KCNK9: variants seen among roughly 807,000 people sequenced by gnomAD.
KCNK9 encodes potassium channel subfamily K member 9.
KCNK9 carries 1 observed loss-of-function variant against 10.8 expected under a neutral mutation model. The observed-to-expected ratio is 0.09, with a 90% confidence interval of 0.03 to 0.44. The LOEUF is 0.44. Among genes scored for constraint, KCNK9 ranks in the 20% least tolerant of loss-of-function variants. The pLI is 0.97. For missense variants in KCNK9, 303 were observed against 515.0 expected (o/e 0.59, Z 3.98); for synonymous variants, 231 against 222.7 (o/e 1.04, Z -0.33).
At position 139,644,651 on chromosome 8, in the gene KCNK9, C is replaced by G. The variant is rs566197483; in HGVS notation, c.284-25552G>C. ...CTGGGTAGCACAGGTGGTTTTGCAA[C>G]CAGGGCCACTCAGGAGCATGGGACC... On this transcript the variant is annotated intron_variant, in intron 1 of 1. Transcript: ENST00000520439. Among the ~76,000 whole-genome samples the G allele has an allele frequency of 1.0e-3, 152 of 152,186 alleles. 1 individual carries two copies. The highest frequency in any genetic ancestry group is 3.5e-3 in the African/African-American group (145 of 41,522).
chr8:139,654,779 C>T (rs1006790779), intron 1 of KCNK9, among the ~76,000 whole-genome samples: 1 of 152,196 alleles, frequency 6.6e-6, no homozygotes, highest in Non-Finnish European at 1.5e-5. Context: ...GGCTTGTTCA[C>T]CATGCTACCC....
At chr8:139,677,840 G>A (rs78967596) in intron 1 of KCNK9, among the ~76,000 whole-genome samples, 2,032 of 41,746 alleles carry the variant, frequency 0.049, 339 homozygotes, top group African/African-American at 0.11. Flanking sequence ...CTGCAGAGTA[G>A]TACCTCACAT....
At chr8:139,659,084 T>C (rs1408427606) in intron 1 of KCNK9, among the ~76,000 whole-genome samples, 1 of 152,250 alleles carries the variant, frequency 6.6e-6, no homozygotes. Context: ...AGAAACAGCA[T>C]GTATCAAGCC....
chr8:139,676,094 G>T (rs1444219161), intron 1 of KCNK9, among the ~76,000 whole-genome samples: 1 of 152,246 alleles, frequency 6.6e-6, no homozygotes, highest in East Asian at 1.9e-4. Flanking sequence ...GATGGAAGGA[G>T]CCTGGGGCCC....
intron 1 of KCNK9, among the ~76,000 whole-genome samples, chr8:139,622,107 C>A (rs1446866410): frequency 1.3e-5 from 2 of 152,218 alleles, no homozygotes; most frequent in Non-Finnish European, 2.9e-5. Flanking sequence ...CATGAAAGAA[C>A]TTGATCATTG....
At chr8:139,603,318 A>T (rs961413414) in intron 2 of KCNK9, among the ~76,000 whole-genome samples, 1 of 152,028 alleles carries the variant, frequency 6.6e-6, no homozygotes, top group Non-Finnish European at 1.5e-5. Context: ...TGTGGCGGAG[A>T]GAGGGGAAGG....
intron 1 of KCNK9, among the ~76,000 whole-genome samples, chr8:139,638,682 G>T (rs1283823704): frequency 2.0e-5 from 3 of 152,150 alleles, no homozygotes; most frequent in African/African-American, 4.8e-5. Flanking sequence ...CTCTAATCTA[G>T]GGCACCTGCA....
Position 139,638,880 on chromosome 8 carries a change from G to A in KCNK9, c.284-19781C>T, listed in dbSNP as rs564502998. Among the ~76,000 whole-genome samples, 3 of 152,308 alleles carry A rather than the reference G, an allele frequency of 2.0e-5. No individual in the cohort carries two copies. In the East Asian group the frequency reaches 5.8e-4, roughly 29 times the overall value. ...AATTAGCTGAGAACGCAGGAGGCCTGGAGCGAGTCCACCAGCTCTCTCTGG... is the reference window on the plus strand; with the variant it reads ...AATTAGCTGAGAACGCAGGAGGCCTAGAGCGAGTCCACCAGCTCTCTCTGG... On this transcript the variant is annotated intron_variant, in intron 1 of 1. Coordinates refer to ENST00000520439, the MANE Select transcript of KCNK9 (RefSeq NM_001282534.2).
intron 1 of KCNK9, among the ~76,000 whole-genome samples, chr8:139,627,573 T>G (rs1033094328): frequency 2.0e-5 from 3 of 152,150 alleles, no homozygotes; most frequent in African/African-American, 7.2e-5. Flanking sequence ...TACAGAGATG[T>G]TTCACCCTGC....
chr8:139,688,865 C>T (rs1053360745), intron 1 of KCNK9, among the ~76,000 whole-genome samples: 7 of 152,166 alleles, frequency 4.6e-5, no homozygotes, highest in African/African-American at 1.2e-4. Flanking sequence ...TCCCTGATCT[C>T]GCTTAATCCT....
intron 1 of KCNK9, among the ~76,000 whole-genome samples, chr8:139,626,931 C>T (rs1666045723): frequency 6.6e-6 from 1 of 152,226 alleles, no homozygotes; most frequent in Admixed American, 6.5e-5. Flanking sequence ...CGGCAAGCAT[C>T]CCACTCATCC....
chr8:139,678,744 G>T (rs1235995511), intron 1 of KCNK9, among the ~76,000 whole-genome samples: 1 of 152,226 alleles, frequency 6.6e-6, no homozygotes, highest in Admixed American at 6.5e-5. Context: ...CACCTGGCCA[G>T]GGCTGAAGGC....
chr8:139,638,037 T>A (rs1165058446), intron 1 of KCNK9, among the ~76,000 whole-genome samples: 1 of 152,028 alleles, frequency 6.6e-6, no homozygotes, highest in Admixed American at 6.6e-5. Context: ...GTGACCTCCA[T>A]GGGTTTGTGT....
chr8:139,615,753 C>T (rs997415656), downstream of KCNK9: 3 of 151,944 alleles, frequency 2.0e-5, no homozygotes, highest in Non-Finnish European at 4.4e-5. Flanking sequence ...TCCTATAATC[C>T]TTAATCCTGT....
intron 1 of KCNK9, among the ~76,000 whole-genome samples, chr8:139,670,898 C>T (rs1248949849): frequency 6.6e-6 from 1 of 152,178 alleles, no homozygotes; most frequent in African/African-American, 2.4e-5. Context: ...ATTTGATGAC[C>T]ACCCCGGAGA....
chr8:139,617,567 A>G lies in KCNK9; in HGVS notation c.*691T>C, dbSNP rs1486862219. On this transcript the variant is annotated 3_prime_UTR_variant, in exon 2 of 2. Transcript: ENST00000520439. ...TAATATAATTTAGAACCTAGCATTT[A>G]GAAAATATGGCCATGACACATCAGG... Among the ~76,000 whole-genome samples, 1 of 152,206 alleles carries G rather than the reference A, an allele frequency of 6.6e-6. No homozygotes were observed. Among genetic ancestry groups the G allele is most frequent in the Non-Finnish European group, 1.5e-5 (1 of 68,044 alleles).
At chr8:139,620,411 A>T (rs1814741458) in intron 1 of KCNK9, among the ~76,000 whole-genome samples, 1 of 152,054 alleles carries the variant, frequency 6.6e-6, no homozygotes, top group Non-Finnish European at 1.5e-5. Context: ...TACATGGCAT[A>T]ATTGTTCTTA....
intron 1 of KCNK9, among the ~76,000 whole-genome samples, chr8:139,688,425 AGAGT>A (rs1816866950): frequency 6.6e-6 from 1 of 152,216 alleles, no homozygotes; most frequent in African/African-American, 2.4e-5. Flanking sequence ...GTGGCAGAAA[AGAGT>A]GAGTGCAAGA....
At chr8:139,694,931 G>A (rs1201261626) in intron 1 of KCNK9, among the ~76,000 whole-genome samples, 1 of 152,184 alleles carries the variant, frequency 6.6e-6, no homozygotes, top group African/African-American at 2.4e-5. Context: ...GCTGAGGCCA[G>A]CAAACTGTGA....
Sources: gnomAD v4.1 joint callset for allele counts (sites outside exome capture counted in the v4.1 genomes callset) on GRCh38, gnomAD v4.1.1 for gene constraint, MANE v1.5 for transcripts, NCBI Gene and HGNC (gene_info 2026-07-23, HGNC 2026-07-21) for gene names.